LSAMP: variants seen among roughly 807,000 people sequenced by gnomAD.
LSAMP encodes the protein limbic system-associated membrane protein.
In LSAMP, 7 loss-of-function variants were observed where a neutral mutation model predicts 38.6. The ratio of observed to expected loss-of-function variants is 0.18; its 90% CI spans 0.10 to 0.34. LSAMP has a LOEUF of 0.34. Ranked by LOEUF, LSAMP falls within the 10% of genes least tolerant of loss-of-function variation. The probability of loss-of-function intolerance (pLI) is 1.00; values close to 1 mark genes in which losing one functional copy is unlikely to be tolerated. For synonymous variants in LSAMP, 154 were observed against 166.8 expected, an observed-to-expected ratio of 0.92 and a Z score of 0.59; for missense variants, 313 against 420.0, an observed-to-expected ratio of 0.75 and a Z score of 2.23.
intron 3 of LSAMP, among the ~76,000 whole-genome samples, chr3:115,941,572 G>GACACAC (rs1451776681): frequency 1.3e-5 from 2 of 151,546 alleles, no homozygotes; most frequent in Non-Finnish European, 2.9e-5. Context: ...CACACACACA[G>GACACAC]ACACACACAC....
chr3:115,802,548 T>G lies in LSAMP; in HGVS notation c.*7769A>C, dbSNP rs1305538349. 6.6e-6 allele frequency: 1 copy of G among 150,762 alleles called. No individual in the cohort carries two copies. Among genetic ancestry groups the G allele is most frequent in the Non-Finnish European group, 1.5e-5 (1 of 67,852 alleles). 9.3% of individuals were successfully genotyped at this position (150,762 alleles called of 1,614,324 possible). The stretch of plus-strand genomic sequence containing the variant: ...TTAATTTTTTTTTTTTAACACACAT[T>G]GCGCTTTTTATCTCCTTCACAGAGC... On this transcript the variant is annotated 3_prime_UTR_variant, in exon 7 of 7. Coordinates refer to ENST00000490035, the MANE Select transcript of LSAMP (RefSeq NM_002338.5).
At chr3:116,151,994 T>C (rs1456648179) in intron 1 of LSAMP, among the ~76,000 whole-genome samples, 3 of 152,094 alleles carry the variant, frequency 2.0e-5, no homozygotes, top group African/African-American at 7.2e-5. Context: ...TTTTTACCTT[T>C]TAAATTTATC....
intron 1 of LSAMP, among the ~76,000 whole-genome samples, chr3:116,333,153 T>C (rs1336173789): frequency 6.6e-6 from 1 of 152,144 alleles, no homozygotes; most frequent in Non-Finnish European, 1.5e-5. Flanking sequence ...TTCAGAATAC[T>C]CTGTCCACTT....
intron 6 of LSAMP, among the ~76,000 whole-genome samples, chr3:115,813,518 C>A (rs1383753428): frequency 6.6e-6 from 1 of 152,046 alleles, no homozygotes; most frequent in Admixed American, 6.6e-5. Flanking sequence ...ATATTTGAAA[C>A]TTATTTTGTG....
Position 116,403,756 on chromosome 3 carries a change from T to C in LSAMP, c.155+41121A>G, listed in dbSNP as rs192985552. On this transcript the variant is annotated intron_variant, in intron 1 of 6. Transcript: ENST00000490035. ...GATTTGGCATAGAATCTTTTTTTTT[T>C]TTAAACAAAAAAAGGACAGGGTCAC... Among the ~76,000 whole-genome samples the C allele has an allele frequency of 7.9e-5, 12 of 152,164 alleles. No homozygotes were observed. The East Asian group carries it at 2.1e-3, about 27-fold the overall frequency.
intron 3 of LSAMP, among the ~76,000 whole-genome samples, chr3:115,897,695 G>A (rs970675431): frequency 6.6e-6 from 1 of 152,128 alleles, no homozygotes; most frequent in Admixed American, 6.6e-5. Flanking sequence ...AAAGAAGGGT[G>A]TGTGACAGTT....
At chr3:116,054,627 T>G (rs1033558426) in intron 2 of LSAMP, among the ~76,000 whole-genome samples, 11 of 152,196 alleles carry the variant, frequency 7.2e-5, no homozygotes, top group Admixed American at 6.5e-4. Context: ...ATATTACTTA[T>G]AATCAACACT....
intron 1 of LSAMP, among the ~76,000 whole-genome samples, chr3:116,132,900 T>G (rs1193420488): frequency 6.6e-6 from 1 of 152,286 alleles, no homozygotes; most frequent in South Asian, 2.1e-4. Context: ...ATCAATCTAG[T>G]CCCTGTTCCT....
At chr3:116,095,295 G>A (rs1431908241) in intron 1 of LSAMP, among the ~76,000 whole-genome samples, 5 of 152,188 alleles carry the variant, frequency 3.3e-5, no homozygotes, top group East Asian at 3.8e-4. Flanking sequence ...GACAAGCTGC[G>A]CAATTTCTGG....
intron 2 of LSAMP, among the ~76,000 whole-genome samples, chr3:116,073,010 G>C (rs1182091245): frequency 1.3e-5 from 2 of 152,008 alleles, no homozygotes; most frequent in African/African-American, 4.8e-5. Context: ...GTATTGCCTT[G>C]CTTTTCTTCT....
intron 4 of LSAMP, among the ~76,000 whole-genome samples, chr3:115,849,865 A>G (rs73140493): frequency 0.15 from 22,433 of 152,184 alleles, 2,079 homozygotes; most frequent in Non-Finnish European, 0.22. Context: ...TTGATAAAAT[A>G]TGTTTCAAGA....
At chr3:115,842,408 C>T in intron 5 of LSAMP, 50 bp downstream of exon 5, 1 of 1,600,990 alleles carries the variant, frequency 6.2e-7, no homozygotes, top group Non-Finnish European at 8.5e-7. Context: ...ATTCTGGTGT[C>T]CCCAGGCCCA....
chr3:116,162,768 TACACACACACACACAC>T (rs71141856), intron 1 of LSAMP, among the ~76,000 whole-genome samples: 6 of 147,324 alleles, frequency 4.1e-5, no homozygotes, highest in African/African-American at 1.0e-4. Flanking sequence ...CACACACTTA[TACACACACACACACAC>T]ACACACACAC....
chr3:116,430,925 T>A (rs991855339), intron 1 of LSAMP, among the ~76,000 whole-genome samples: 1 of 151,980 alleles, frequency 6.6e-6, no homozygotes, highest in Non-Finnish European at 1.5e-5. Context: ...TTCTTTCTGT[T>A]TTTCATCTTC....
At chr3:116,176,438 C>A (rs1710340957) in intron 1 of LSAMP, among the ~76,000 whole-genome samples, 1 of 152,094 alleles carries the variant, frequency 6.6e-6, no homozygotes, top group African/African-American at 2.4e-5. Flanking sequence ...AGCACCATTC[C>A]ATCATGTTGC....
intron 1 of LSAMP, among the ~76,000 whole-genome samples, chr3:116,389,015 G>C (rs1476751860): frequency 3.3e-5 from 5 of 152,176 alleles, no homozygotes. Context: ...GGAGAGCATT[G>C]CTATGCAAAA....
intron 3 of LSAMP, among the ~76,000 whole-genome samples, chr3:115,986,723 A>G (rs1242037678): frequency 6.6e-6 from 1 of 152,122 alleles, no homozygotes; most frequent in Non-Finnish European, 1.5e-5. Context: ...GCAGTGAGGA[A>G]GAACACAAAA....
At chr3:116,120,467 G>A (rs1297668374) in intron 1 of LSAMP, among the ~76,000 whole-genome samples, 1 of 152,190 alleles carries the variant, frequency 6.6e-6, no homozygotes, top group Non-Finnish European at 1.5e-5. Flanking sequence ...CGAATGTGTG[G>A]AACACAGTTT....
At chr3:116,066,431 G>A (rs1485484837) in intron 2 of LSAMP, among the ~76,000 whole-genome samples, 1 of 152,182 alleles carries the variant, frequency 6.6e-6, no homozygotes, top group Admixed American at 6.5e-5. Flanking sequence ...AGGTACAGAA[G>A]ATGTCTTCAC....
Sources: gnomAD v4.1 joint callset for allele counts (sites outside exome capture counted in the v4.1 genomes callset) on GRCh38, gnomAD v4.1.1 for gene constraint, MANE v1.5 for transcripts, NCBI Gene and HGNC (gene_info 2026-07-23, HGNC 2026-07-21) for gene names.